Variants in PCDH9 observed in about 807,000 individuals in gnomAD.
The protein encoded by PCDH9 is protocadherin 9, also known as protocadherin-9.
In PCDH9, 24 loss-of-function variants were observed where a neutral mutation model predicts 70.6. The ratio of observed to expected loss-of-function variants is 0.34; its 90% CI spans 0.25 to 0.48. The LOEUF is 0.48. Among genes scored for constraint, PCDH9 ranks in the 20% least tolerant of loss-of-function variants. The pLI, the probability that PCDH9 is intolerant of heterozygous loss-of-function variation, is 0.99. For synonymous variants in PCDH9, 562 were observed against 558.5 expected (o/e 1.01, Z -0.09); for missense variants, 1,281 against 1,503.6 (o/e 0.85, Z 2.45).
At chr13:67,175,533 G>A (rs2088426267) in intron 2 of PCDH9, among the ~76,000 whole-genome samples, 1 of 152,144 alleles carries the variant, frequency 6.6e-6, no homozygotes, top group Non-Finnish European at 1.5e-5. Flanking sequence ...TTTGTGTTGG[G>A]TGAGATTTGG....
At chr13:66,736,308 T>G (rs2139186860) in intron 3 of PCDH9, among the ~76,000 whole-genome samples, 1 of 152,244 alleles carries the variant, frequency 6.6e-6, no homozygotes, top group East Asian at 1.9e-4. Flanking sequence ...GGCTGGGTCC[T>G]AATCCAATCC....
chr13:67,140,514 G>T (rs1186688506), intron 2 of PCDH9, among the ~76,000 whole-genome samples: 2 of 152,116 alleles, frequency 1.3e-5, no homozygotes, highest in African/African-American at 4.8e-5. Flanking sequence ...CTTTTTAGAG[G>T]TATGGAGCAG....
chr13:66,571,526 T>A (rs2138744291), intron 4 of PCDH9, among the ~76,000 whole-genome samples: 1 of 152,206 alleles, frequency 6.6e-6, no homozygotes, highest in South Asian at 2.1e-4. Context: ...ATGTTCTTTT[T>A]TTTTTAACAT....
chr13:66,397,833 T>C (rs551977097), intron 4 of PCDH9, among the ~76,000 whole-genome samples: 3 of 152,054 alleles, frequency 2.0e-5, no homozygotes, highest in African/African-American at 7.2e-5. Context: ...CTCATATGAA[T>C]GCAAAATAAC....
chr13:67,028,742 C>T (rs1014245472), intron 2 of PCDH9, among the ~76,000 whole-genome samples: 4 of 152,038 alleles, frequency 2.6e-5, no homozygotes, highest in African/African-American at 9.7e-5. Context: ...TGTATTTCTT[C>T]TCACCTCGAA....
At chr13:66,410,854 C>G (rs1342488036) in intron 4 of PCDH9, among the ~76,000 whole-genome samples, 1 of 152,106 alleles carries the variant, frequency 6.6e-6, no homozygotes, top group African/African-American at 2.4e-5. Flanking sequence ...CTTCCTATAT[C>G]TCTGTTACCA....
chr13:67,150,932 A>G (rs1328784928), intron 2 of PCDH9, among the ~76,000 whole-genome samples: 1 of 152,194 alleles, frequency 6.6e-6, no homozygotes, highest in Non-Finnish European at 1.5e-5. Flanking sequence ...TGTAAGTCTC[A>G]CTGCCCAAGG....
intron 4 of PCDH9, among the ~76,000 whole-genome samples, chr13:66,620,407 T>G (rs1324600586): frequency 6.6e-6 from 1 of 152,188 alleles, no homozygotes; most frequent in East Asian, 1.9e-4. Context: ...CTAAAGAAAC[T>G]GAGATTTTAA....
At chr13:66,337,015 T>C (rs946155367) in intron 4 of PCDH9, among the ~76,000 whole-genome samples, 2 of 152,018 alleles carry the variant, frequency 1.3e-5, no homozygotes, top group Non-Finnish European at 2.9e-5. Flanking sequence ...AATAATTTTT[T>C]TTCTTTCCCT....
chr13:66,886,666 A>G (rs1210604359), intron 3 of PCDH9, among the ~76,000 whole-genome samples: 1 of 152,136 alleles, frequency 6.6e-6, no homozygotes, highest in Non-Finnish European at 1.5e-5. Flanking sequence ...ATATTCATCT[A>G]TGAAAGAAAT....
intron 4 of PCDH9, among the ~76,000 whole-genome samples, chr13:66,318,358 C>T (rs1173520138): frequency 1.3e-5 from 2 of 152,106 alleles, no homozygotes; most frequent in Non-Finnish European, 2.9e-5. Context: ...ACTTTAGTTA[C>T]TGTTTTATTA....
intron 3 of PCDH9, among the ~76,000 whole-genome samples, chr13:66,795,221 C>T (rs1290778676): frequency 6.6e-6 from 1 of 152,058 alleles, no homozygotes; most frequent in Non-Finnish European, 1.5e-5. Flanking sequence ...TATATACTGA[C>T]TGGATCAGCA....
chr13:67,004,323 C>A (rs2084304981), intron 2 of PCDH9, among the ~76,000 whole-genome samples: 2 of 150,304 alleles, frequency 1.3e-5, no homozygotes, highest in Admixed American at 1.3e-4. Context: ...GTAATCCCAG[C>A]ATTTTGGGAG....
chr13:66,553,790 C>T (rs980792454), intron 4 of PCDH9, among the ~76,000 whole-genome samples: 7 of 152,124 alleles, frequency 4.6e-5, no homozygotes, highest in African/African-American at 1.7e-4. Context: ...AATGTTCCCC[C>T]TTTTACACAT....
intron 2 of PCDH9, among the ~76,000 whole-genome samples, chr13:67,007,652 A>G (rs1217593885): frequency 6.6e-6 from 1 of 152,144 alleles, no homozygotes; most frequent in Non-Finnish European, 1.5e-5. Context: ...CCGTGTATAT[A>G]TTGGAATTTG....
At chr13:67,004,564 A>AG (rs1555296178) in intron 2 of PCDH9, among the ~76,000 whole-genome samples, 6 of 148,200 alleles carry the variant, frequency 4.0e-5, no homozygotes, top group African/African-American at 1.2e-4. Flanking sequence ...AAAAAAAAAA[A>AG]AAAGAAAGAA....
At chr13:66,640,950 A>C (rs1373102883) in intron 3 of PCDH9, among the ~76,000 whole-genome samples, 3 of 151,688 alleles carry the variant, frequency 2.0e-5, no homozygotes, top group African/African-American at 7.3e-5. Context: ...ATCTCGGCTC[A>C]CTGCAACCTC....
chr13:66,786,654 C>G (rs751537114), intron 3 of PCDH9, among the ~76,000 whole-genome samples: 8 of 152,146 alleles, frequency 5.3e-5, no homozygotes, highest in Non-Finnish European at 1.2e-4. Flanking sequence ...TACCCCTGAC[C>G]TATCTTTCAA....
intron 2 of PCDH9, among the ~76,000 whole-genome samples, chr13:67,146,689 T>TG (rs1449758635): frequency 6.6e-6 from 1 of 152,168 alleles, no homozygotes; most frequent in Non-Finnish European, 1.5e-5. Context: ...GAAGCGGCAG[T>TG]GGTTACATTA....
Sources: gnomAD v4.1 joint callset for allele counts (sites outside exome capture counted in the v4.1 genomes callset) on GRCh38, gnomAD v4.1.1 for gene constraint, MANE v1.5 for transcripts, NCBI Gene and HGNC (gene_info 2026-07-23, HGNC 2026-07-21) for gene names.